The following GPC5 variants were observed in gnomAD, a reference collection of about 807,000 sequenced individuals.
GPC5 encodes glypican-5.
GPC5 carries 47 observed loss-of-function variants against 53.9 expected under a neutral mutation model. That is an observed-to-expected ratio of 0.87 (90% CI 0.69 to 1.11). The LOEUF is 1.11. GPC5 is among the 50% of genes most tolerant of loss of function. The probability of loss-of-function intolerance (pLI) is 0.00; values close to 1 mark genes in which losing one functional copy is unlikely to be tolerated. For missense variants in GPC5, 748 were observed against 713.1 expected, an observed-to-expected ratio of 1.05 and a Z score of -0.56; for synonymous variants, 286 against 263.3, an observed-to-expected ratio of 1.09 and a Z score of -0.84.
At chr13:92,291,613 A>G (rs779149093) in intron 7 of GPC5, among the ~76,000 whole-genome samples, 1 of 152,190 alleles carries the variant, frequency 6.6e-6, no homozygotes, top group Non-Finnish European at 1.5e-5. Context: ...AGAGACTAAA[A>G]GCAGGCTGCT....
At chr13:92,742,799 T>C (rs995972557) in intron 7 of GPC5, among the ~76,000 whole-genome samples, 1 of 152,124 alleles carries the variant, frequency 6.6e-6, no homozygotes, top group Non-Finnish European at 1.5e-5. Context: ...TTTCTACATA[T>C]GGCTAGCCAG....
At chr13:92,396,594 T>C (rs1875288815) in intron 7 of GPC5, among the ~76,000 whole-genome samples, 1 of 152,178 alleles carries the variant, frequency 6.6e-6, no homozygotes, top group Non-Finnish European at 1.5e-5. Flanking sequence ...TAGGTAAACA[T>C]GTTCCATGGT....
At chr13:91,424,021 G>A (rs1257159439) in intron 1 of GPC5, among the ~76,000 whole-genome samples, 1 of 152,068 alleles carries the variant, frequency 6.6e-6, no homozygotes, top group African/African-American at 2.4e-5. Flanking sequence ...AGAAAAACAG[G>A]TCATTTTAGT....
chr13:92,634,901 C>G (rs1001383520), intron 7 of GPC5, among the ~76,000 whole-genome samples: 1 of 151,820 alleles, frequency 6.6e-6, no homozygotes, highest in African/African-American at 2.4e-5. Context: ...TAATTCAGCT[C>G]TTTTTCTTGC....
chr13:91,972,342 T>G (rs553173700), intron 6 of GPC5, among the ~76,000 whole-genome samples: 1 of 152,336 alleles, frequency 6.6e-6, no homozygotes, highest in African/African-American at 2.4e-5. Context: ...CATCCCTTTA[T>G]TTTAAGCCTA....
chr13:92,133,329 G>A (rs1476885005), intron 6 of GPC5, among the ~76,000 whole-genome samples: 4 of 152,160 alleles, frequency 2.6e-5, no homozygotes, highest in East Asian at 1.9e-4. Flanking sequence ...GCGTACACGA[G>A]GGTGTCGTAC....
intron 6 of GPC5, among the ~76,000 whole-genome samples, chr13:92,142,124 G>A (rs901664904): frequency 3.3e-5 from 5 of 152,094 alleles, no homozygotes; most frequent in African/African-American, 7.2e-5. Context: ...TGCAGCAAAC[G>A]AACATGGTAC....
chr13:91,919,776 A>T lies in GPC5; in HGVS notation c.1401+11719A>T, dbSNP rs138832837. On this transcript the variant is annotated intron_variant, in intron 6 of 7. Transcript: ENST00000377067. ...AGGCTCCTCATTCAAAATTCCAGCC[A>T]GAATAGAGGGCAGAATGAGTCCTAG... Among the ~76,000 whole-genome samples, 6 of 152,326 alleles carry T rather than the reference A, an allele frequency of 3.9e-5. No individual in the cohort carries two copies. The East Asian group carries it at 7.7e-4, about 20-fold the overall frequency.
chr13:92,275,794 G>T (rs1177126137), intron 7 of GPC5, among the ~76,000 whole-genome samples: 1 of 152,062 alleles, frequency 6.6e-6, no homozygotes, highest in Non-Finnish European at 1.5e-5. Flanking sequence ...TTTCAAAATT[G>T]TATTCTATAT....
intron 7 of GPC5, among the ~76,000 whole-genome samples, chr13:92,217,316 T>A (rs2139082992): frequency 6.6e-6 from 1 of 152,326 alleles, no homozygotes; most frequent in East Asian, 1.9e-4. Context: ...GCTGTACACT[T>A]CCTTGTAAAA....
chr13:92,195,256 T>G (rs2042249185), intron 7 of GPC5, among the ~76,000 whole-genome samples: 2 of 152,162 alleles, frequency 1.3e-5, no homozygotes, highest in South Asian at 4.1e-4. Flanking sequence ...CAGTGATACA[T>G]ATGTGCAGTG....
At chr13:91,931,493 T>C (rs1345047242) in intron 6 of GPC5, among the ~76,000 whole-genome samples, 5 of 152,020 alleles carry the variant, frequency 3.3e-5, no homozygotes, top group Admixed American at 1.3e-4. Flanking sequence ...ACGTCAGACA[T>C]CCTTGTTCAC....
At chr13:91,520,362 T>G (rs1885738124) in intron 2 of GPC5, among the ~76,000 whole-genome samples, 1 of 152,216 alleles carries the variant, frequency 6.6e-6, no homozygotes, top group Non-Finnish European at 1.5e-5. Flanking sequence ...AGTCTAGATC[T>G]TGCTTTGAAG....
intron 7 of GPC5, among the ~76,000 whole-genome samples, chr13:92,520,431 C>A (rs1880994885): frequency 6.6e-6 from 1 of 152,114 alleles, no homozygotes; most frequent in Non-Finnish European, 1.5e-5. Context: ...GCTTATACAC[C>A]ATGATCAAGT....
chr13:92,645,463 A>G (rs527511238), intron 7 of GPC5, among the ~76,000 whole-genome samples: 22 of 152,316 alleles, frequency 1.4e-4, no homozygotes, highest in Non-Finnish European at 2.9e-5. Flanking sequence ...GAAGCTTTTT[A>G]AATCTAACTT....
chr13:91,459,118 G>A (rs1183887531), intron 2 of GPC5, among the ~76,000 whole-genome samples: 3 of 151,868 alleles, frequency 2.0e-5, no homozygotes, highest in Non-Finnish European at 4.4e-5. Flanking sequence ...CACACTGCTT[G>A]GGTGATGGGT....
At chr13:91,727,189 G>C (rs1394509501) in intron 3 of GPC5, among the ~76,000 whole-genome samples, 1 of 152,184 alleles carries the variant, frequency 6.6e-6, no homozygotes, top group Non-Finnish European at 1.5e-5. Flanking sequence ...AATTAACATA[G>C]TAGGGTATAA....
At chr13:92,047,773 A>G (rs1594742748) in intron 6 of GPC5, among the ~76,000 whole-genome samples, 1 of 147,216 alleles carries the variant, frequency 6.8e-6, no homozygotes, top group East Asian at 2.0e-4. Context: ...GATCGAGACC[A>G]TCCTGGCTAA....
intron 5 of GPC5, among the ~76,000 whole-genome samples, chr13:91,846,013 C>T (rs1045654170): frequency 3.3e-5 from 5 of 151,998 alleles, no homozygotes; most frequent in East Asian, 1.9e-4. Flanking sequence ...TTACATCATC[C>T]CTATTCCATT....
Sources: gnomAD v4.1 joint callset for allele counts (sites outside exome capture counted in the v4.1 genomes callset) on GRCh38, gnomAD v4.1.1 for gene constraint, MANE v1.5 for transcripts, NCBI Gene and HGNC (gene_info 2026-07-23, HGNC 2026-07-21) for gene names.